GREB1L: variants seen among roughly 807,000 people sequenced by gnomAD.
GREB1L encodes GREB1-like protein.
In GREB1L, 17 loss-of-function variants were observed where a neutral mutation model predicts 200.8. That is an observed-to-expected ratio of 0.08 (90% confidence interval 0.06 to 0.13). The LOEUF is 0.13. Ranked by LOEUF, GREB1L falls within the 10% of genes least tolerant of loss-of-function variation. The pLI, the probability that GREB1L is intolerant of heterozygous loss-of-function variation, is 1.00. For synonymous variants in GREB1L, 789 were observed against 893.0 expected (o/e 0.88, Z 2.08); for missense variants, 1,657 against 2,367.7 (o/e 0.70, Z 6.23).
intron 1 of GREB1L, among the ~76,000 whole-genome samples, chr18:21,357,749 G>A (rs570699532): frequency 2.6e-4 from 39 of 152,196 alleles, no homozygotes; most frequent in African/African-American, 9.1e-4. Context: ...TGTGTTCTTG[G>A]CCTCTTTCTT....
In GREB1L at chr18:21,451,030, C is replaced by T. The variant is rs1344169005; in HGVS notation, c.1728C>T (p.His576=). The change falls in exon 13 of 33, where the codon CAC becomes CAT. Residue 576 remains histidine, a synonymous_variant. Coordinates refer to ENST00000424526, the MANE Select transcript of GREB1L (RefSeq NM_001142966.3). ...CTCTCCTCCATCCTGCAGGTCAGCA[C>T]CAGTCCCGAGCTCTGGCAGAGAGCA... is the stretch of plus-strand genomic sequence containing the variant. ...NEFCVVVLGQ[H]QSRALAESML... The T allele has an allele frequency of 1.3e-6, 2 of 1,551,946 alleles. No individual in the cohort carries two copies. The highest frequency in any genetic ancestry group is 4.9e-5 in the East Asian group (2 of 40,936).
intron 2 of GREB1L, among the ~76,000 whole-genome samples, chr18:21,379,091 G>A (rs566625926): frequency 3.9e-5 from 6 of 152,076 alleles, no homozygotes; most frequent in South Asian, 4.2e-4. Flanking sequence ...ATGTTCTGTC[G>A]TATTACTCCT....
intron 2 of GREB1L, among the ~76,000 whole-genome samples, chr18:21,374,803 T>G (rs1269910888): frequency 1.3e-5 from 2 of 151,944 alleles, no homozygotes; most frequent in Non-Finnish European, 2.9e-5. Flanking sequence ...GTGCAGTACT[T>G]GAAAATATAT....
At chr18:21,332,280 C>G (rs1331931655) in intron 1 of GREB1L, among the ~76,000 whole-genome samples, 7 of 152,080 alleles carry the variant, frequency 4.6e-5, no homozygotes, top group African/African-American at 1.7e-4. Flanking sequence ...CCTGAGCAGC[C>G]GCATTTTTAT....
At chr18:21,409,451 G>A (rs2030693704) in intron 7 of GREB1L, among the ~76,000 whole-genome samples, 4 of 152,182 alleles carry the variant, frequency 2.6e-5, no homozygotes, top group Admixed American at 2.6e-4. Flanking sequence ...TTGATTTATG[G>A]TGATGGTTAC....
chr18:21,304,516 T>TA (rs200474300), intron 1 of GREB1L, among the ~76,000 whole-genome samples: 32 of 148,856 alleles, frequency 2.1e-4, no homozygotes, highest in South Asian at 6.4e-4. Flanking sequence ...TTGGATTATT[T>TA]AAAAAAAAAA....
chr18:21,253,810 G>A (rs1341899681), intron 1 of GREB1L, among the ~76,000 whole-genome samples: 5 of 145,306 alleles, frequency 3.4e-5, no homozygotes, highest in African/African-American at 1.0e-4. Flanking sequence ...AAATCTTTTG[G>A]TAACTTTGAC....
intron 1 of GREB1L, among the ~76,000 whole-genome samples, chr18:21,358,099 A>G (rs952238049): frequency 2.0e-5 from 3 of 152,168 alleles, no homozygotes; most frequent in African/African-American, 7.2e-5. Flanking sequence ...TAAACACAAG[A>G]TATCTTTCCA....
chr18:21,445,343 G>A lies in GREB1L; in HGVS notation c.1393+934G>A, dbSNP rs1386478273. The stretch of plus-strand genomic sequence containing the variant: ...TACAAAATTAGCTGGGCGTGGTGGC[G>A]CATGCCTGTAATCCCAGCTACTCAG... On this transcript the variant is annotated intron_variant, in intron 11 of 32. Transcript: ENST00000424526. 3.3e-5 allele frequency among the ~76,000 whole-genome samples: 5 copies of A among 152,212 alleles called. No individual in the cohort carries two copies. In the East Asian group the frequency reaches 9.7e-4, roughly 29 times the overall value.
At chr18:21,415,359 T>C (rs2031524926) in intron 7 of GREB1L, among the ~76,000 whole-genome samples, 1 of 151,960 alleles carries the variant, frequency 6.6e-6, no homozygotes, top group Admixed American at 6.6e-5. Context: ...TACAAAACAA[T>C]AAAGAAATTA....
chr18:21,336,857 C>T (rs982000657), intron 1 of GREB1L, among the ~76,000 whole-genome samples: 5 of 152,122 alleles, frequency 3.3e-5, no homozygotes, highest in Non-Finnish European at 7.4e-5. Flanking sequence ...CTTTCTATAC[C>T]CTCCCTACCC....
chr18:21,247,353 C>T (rs1449852360), intron 1 of GREB1L, among the ~76,000 whole-genome samples: 1 of 152,176 alleles, frequency 6.6e-6, no homozygotes, highest in Admixed American at 6.5e-5. Context: ...TCAGCAGTCC[C>T]TACAGTAGGG....
At chr18:21,324,705 G>A (rs1160995510) in intron 1 of GREB1L, among the ~76,000 whole-genome samples, 1 of 152,186 alleles carries the variant, frequency 6.6e-6, no homozygotes, top group African/African-American at 2.4e-5. Flanking sequence ...AGCTGCTGGG[G>A]AGGCTGAGGC....
chr18:21,333,121 C>G (rs933319788), intron 1 of GREB1L, among the ~76,000 whole-genome samples: 1 of 152,020 alleles, frequency 6.6e-6, no homozygotes, highest in African/African-American at 2.4e-5. Flanking sequence ...CATACGGTCT[C>G]TCTTATTTCT....
chr18:21,372,484 A>G (rs1567957842), intron 2 of GREB1L, among the ~76,000 whole-genome samples: 3 of 151,316 alleles, frequency 2.0e-5, no homozygotes, highest in African/African-American at 7.3e-5. Context: ...GACACGAGAG[A>G]TTTTTTTTGC....
intron 11 of GREB1L, among the ~76,000 whole-genome samples, chr18:21,446,562 A>G: frequency 6.6e-6 from 1 of 152,232 alleles, no homozygotes; most frequent in East Asian, 1.9e-4. Context: ...CTCTCGATAT[A>G]CATGAATAGC....
In GREB1L at chr18:21,242,409, G is replaced by T. The variant is rs929866946; in HGVS notation, c.-120+16G>T. ...CTAGGGCCAGGTGAGCGGCCGCGGG[G>T]ACTCCGGGGCGCGGGCAGGAGGTGA... is the stretch of plus-strand genomic sequence containing the variant. On this transcript the variant is annotated intron_variant, in intron 1 of 32. Transcript: ENST00000424526. 1 of 152,240 alleles carries T rather than the reference G, an allele frequency of 6.6e-6. No homozygotes were observed. Among genetic ancestry groups the T allele is most frequent in the African/African-American group, 2.4e-5 (1 of 41,448 alleles). The allele number at this position is 152,240 out of a possible 1,614,324, so 9.4% of individuals were successfully genotyped here.
At position 21,525,718 on chromosome 18, in the gene GREB1L, AGTT is replaced by A. The variant is rs1380146735; in HGVS notation, c.*2899_*2901del. 2.0e-5 allele frequency among the ~76,000 whole-genome samples: 3 copies of A among 152,210 alleles called. No individual in the cohort carries two copies. Among genetic ancestry groups the A allele is most frequent in the Non-Finnish European group, 2.9e-5 (2 of 68,034 alleles). The stretch of plus-strand genomic sequence containing the variant: ...CTCAAACTTTTTGAGAGTGTCTCAA[AGTT>A]GCTAGAACTATGTAGTATGAAGATG... On this transcript the variant is annotated 3_prime_UTR_variant, in exon 33 of 33. Coordinates refer to ENST00000424526, the MANE Select transcript of GREB1L (RefSeq NM_001142966.3).
At chr18:21,478,614 C>T (rs2035800566) in intron 17 of GREB1L, among the ~76,000 whole-genome samples, 1 of 152,208 alleles carries the variant, frequency 6.6e-6, no homozygotes, top group African/African-American at 2.4e-5. Flanking sequence ...GTCCTTGAAT[C>T]TTGTCTTCAG....
Sources: allele counts gnomAD v4.1 joint callset (sites outside exome capture counted in the v4.1 genomes callset), GRCh38; gene constraint gnomAD v4.1.1; transcripts MANE v1.5; gene names NCBI Gene and HGNC (gene_info 2026-07-23, HGNC 2026-07-21).